CSMD1: variants seen among roughly 807,000 people sequenced by gnomAD.
CSMD1 encodes CUB and Sushi multiple domains 1.
CSMD1 carries 213 observed loss-of-function variants against 417.5 expected under a neutral mutation model. That is an observed-to-expected ratio of 0.51 (90% CI 0.46 to 0.57). CSMD1 has a LOEUF of 0.57. CSMD1 is among the 20% of genes least tolerant of loss of function. The pLI is 0.00. For synonymous variants in CSMD1, 2,862 were observed against 1,736.8 expected, an observed-to-expected ratio of 1.65 and a Z score of -16.11; for missense variants, 6,923 against 4,529.7, an observed-to-expected ratio of 1.53 and a Z score of -15.17.
At chr8:4,815,707 A>T (rs1428743923) in intron 1 of CSMD1, among the ~76,000 whole-genome samples, 1 of 151,086 alleles carries the variant, frequency 6.6e-6, no homozygotes, top group East Asian at 1.9e-4. Context: ...AAAAAAAAAA[A>T]AAAAAAAAAA....
chr8:3,783,167 C>G (rs906790981), intron 5 of CSMD1, among the ~76,000 whole-genome samples: 78 of 152,182 alleles, frequency 5.1e-4, no homozygotes, highest in African/African-American at 1.9e-3. Context: ...GTCTCAACAT[C>G]TTTCCACCTG....
intron 6 of CSMD1, among the ~76,000 whole-genome samples, chr8:3,753,488 T>C (rs1408312779): frequency 6.6e-6 from 1 of 152,196 alleles, no homozygotes; most frequent in African/African-American, 2.4e-5. Flanking sequence ...TGTGTGTAAA[T>C]TACTGAATCA....
At chr8:4,478,068 G>A (rs1443904109) in intron 2 of CSMD1, among the ~76,000 whole-genome samples, 2 of 152,104 alleles carry the variant, frequency 1.3e-5, no homozygotes, top group South Asian at 2.1e-4. Context: ...AGTTAAAACT[G>A]ATTTTAACCT....
At chr8:3,679,822 T>G (rs1799560970) in intron 7 of CSMD1, among the ~76,000 whole-genome samples, 1 of 152,084 alleles carries the variant, frequency 6.6e-6, no homozygotes, top group Non-Finnish European at 1.5e-5. Flanking sequence ...GAAGCGAAAT[T>G]ATAACAAACT....
intron 54 of CSMD1, among the ~76,000 whole-genome samples, chr8:2,996,172 T>C (rs1217153642): frequency 2.7e-5 from 4 of 149,554 alleles, no homozygotes; most frequent in Non-Finnish European, 5.9e-5. Context: ...AGGAGGACTT[T>C]AATGGGAAAA....
intron 2 of CSMD1, among the ~76,000 whole-genome samples, chr8:4,616,225 C>T (rs147785717): frequency 6.6e-6 from 1 of 152,076 alleles, no homozygotes; most frequent in Non-Finnish European, 1.5e-5. Context: ...TACTTAGGAG[C>T]ACTTTGAGAA....
intron 3 of CSMD1, among the ~76,000 whole-genome samples, chr8:4,086,457 T>G (rs1258455477): frequency 6.6e-6 from 1 of 152,228 alleles, no homozygotes; most frequent in Non-Finnish European, 1.5e-5. Flanking sequence ...TACTACACTC[T>G]AATTCATTAA....
intron 1 of CSMD1, among the ~76,000 whole-genome samples, chr8:4,824,263 T>C (rs1050392144): frequency 7.9e-5 from 12 of 152,040 alleles, no homozygotes; most frequent in South Asian, 2.1e-4. Context: ...AACAAGAAAA[T>C]ACATGAAATA....
At chr8:4,460,503 A>C (rs936251364) in intron 2 of CSMD1, among the ~76,000 whole-genome samples, 3 of 152,184 alleles carry the variant, frequency 2.0e-5, no homozygotes, top group African/African-American at 4.8e-5. Context: ...ACAATAGAAA[A>C]AAATGAACGT....
chr8:3,005,200 C>T (rs1393528225), intron 52 of CSMD1, among the ~76,000 whole-genome samples: 1 of 152,104 alleles, frequency 6.6e-6, no homozygotes, highest in Non-Finnish European at 1.5e-5. Flanking sequence ...AGGTGTTATA[C>T]GTATGGACTG....
At chr8:4,223,844 A>C (rs867594294) in intron 3 of CSMD1, among the ~76,000 whole-genome samples, 3 of 152,320 alleles carry the variant, frequency 2.0e-5, no homozygotes, top group Middle Eastern at 6.8e-3. Context: ...GTTGAGACTG[A>C]TAATGAACAT....
chr8:3,065,475 G>C (rs1236544135), intron 49 of CSMD1, among the ~76,000 whole-genome samples: 1 of 152,002 alleles, frequency 6.6e-6, no homozygotes, highest in Non-Finnish European at 1.5e-5. Flanking sequence ...AAAAATGATA[G>C]ACAATAGGAA....
At chr8:3,599,453 G>A (rs1801254782) in intron 8 of CSMD1, among the ~76,000 whole-genome samples, 1 of 151,926 alleles carries the variant, frequency 6.6e-6, no homozygotes, top group South Asian at 2.1e-4. Context: ...CCCCAAAGCA[G>A]CATTATTAAC....
At chr8:4,503,294 G>C (rs1429353854) in intron 2 of CSMD1, among the ~76,000 whole-genome samples, 1 of 152,124 alleles carries the variant, frequency 6.6e-6, no homozygotes, top group Non-Finnish European at 1.5e-5. Flanking sequence ...AGAAGGTGTT[G>C]AAGTATTTGC....
At chr8:3,528,486 G>C (rs1012663226) in intron 10 of CSMD1, among the ~76,000 whole-genome samples, 1 of 152,176 alleles carries the variant, frequency 6.6e-6, no homozygotes, top group Non-Finnish European at 1.5e-5. Flanking sequence ...TGAGGAAGAA[G>C]ACATTTCCTT....
chr8:3,803,992 A>G (rs1175597157), intron 5 of CSMD1, among the ~76,000 whole-genome samples: 1 of 152,046 alleles, frequency 6.6e-6, no homozygotes, highest in Non-Finnish European at 1.5e-5. Context: ...CAATGGCGTG[A>G]TCTCGGCTCA....
At chr8:4,793,360 T>C (rs1028303915) in intron 1 of CSMD1, among the ~76,000 whole-genome samples, 2 of 152,138 alleles carry the variant, frequency 1.3e-5, no homozygotes, top group African/African-American at 2.4e-5. Flanking sequence ...TACACTGATA[T>C]CATTTTGAAA....
At chr8:3,525,130 C>G (rs1338074020) in intron 10 of CSMD1, among the ~76,000 whole-genome samples, 2 of 151,700 alleles carry the variant, frequency 1.3e-5, no homozygotes, top group Non-Finnish European at 3.0e-5. Context: ...AAGGCTCAAG[C>G]CACATACAGT....
At chr8:3,346,981 C>G (rs900179984) in intron 22 of CSMD1, among the ~76,000 whole-genome samples, 2 of 152,210 alleles carry the variant, frequency 1.3e-5, no homozygotes, top group Non-Finnish European at 2.9e-5. Context: ...TGATTTATAG[C>G]AGGGGAGTCC....
Sources: gnomAD v4.1 joint callset for allele counts (sites outside exome capture counted in the v4.1 genomes callset) on GRCh38, gnomAD v4.1.1 for gene constraint, MANE v1.5 for transcripts, NCBI Gene and HGNC (gene_info 2026-07-23, HGNC 2026-07-21) for gene names.